Variants in CTBP2 observed in about 807,000 individuals in gnomAD.
CTBP2 encodes the protein C-terminal binding protein 2.
In CTBP2, 30 loss-of-function variants were observed where a neutral mutation model predicts 80.3. The observed-to-expected ratio is 0.37, with a 90% CI of 0.28 to 0.51. The LOEUF (loss-of-function observed/expected upper bound fraction) is 0.51, where lower values mean the gene tolerates loss of function less well. Among genes scored for constraint, CTBP2 ranks in the 20% least tolerant of loss-of-function variants. The pLI is 0.93. For synonymous variants in CTBP2, 594 were observed against 587.4 expected (o/e 1.01, Z -0.16); for missense variants, 1,212 against 1,375.3 (o/e 0.88, Z 1.88).
At chr10:125,145,135 C>G (rs1858515093) in intron 1 of CTBP2, among the ~76,000 whole-genome samples, 1 of 152,168 alleles carries the variant, frequency 6.6e-6, no homozygotes, top group South Asian at 2.1e-4. Flanking sequence ...ATTTTTCATG[C>G]CAAATGTTCA....
chr10:125,138,609 A>G (rs984125297), intron 1 of CTBP2, among the ~76,000 whole-genome samples: 2 of 151,938 alleles, frequency 1.3e-5, no homozygotes, highest in Non-Finnish European at 2.9e-5. Flanking sequence ...ATCAATTTAC[A>G]TATCAGGAAA....
Position 124,994,588 on chromosome 10 carries a change from G to A in CTBP2, c.2281C>T (p.Leu761=). ...AGGGTGTAGACCCTCTGCACGCCCA[G>A]GGACCGCTCGATCCCATCCTGCAAG... Residue 761 remains leucine (L), a synonymous_variant, in exon 5 of 9, where the codon CTG becomes TTG. Coordinates refer to ENST00000309035, the MANE Select transcript of CTBP2 (RefSeq NM_022802.3). 6.2e-7 allele frequency: 1 copy of A among 1,614,058 alleles called. No homozygotes were observed.
chr10:125,133,158 C>A (rs1256948218), intron 1 of CTBP2, among the ~76,000 whole-genome samples: 2 of 152,328 alleles, frequency 1.3e-5, no homozygotes, highest in East Asian at 3.9e-4. Flanking sequence ...ATTCTAAGAG[C>A]ATGTGTCTGG....
intron 8 of CTBP2, among the ~76,000 whole-genome samples, chr10:124,991,052 C>G (rs1022176345): frequency 7.2e-5 from 11 of 152,262 alleles, no homozygotes; most frequent in African/African-American, 2.7e-4. Context: ...TGCTTGCTGG[C>G]TGTTGGCTGG....
intron 1 of CTBP2, chr10:125,005,645 G>T (rs777977331): frequency 2.5e-6 from 4 of 1,612,784 alleles, no homozygotes; most frequent in Non-Finnish European, 3.4e-6. Flanking sequence ...GTCACCTGAC[G>T]AGGAACCCGA....
chr10:125,026,732 C>A lies in CTBP2; in HGVS notation c.1028G>T (p.Ser343Ile), dbSNP rs1957632710. ...GGTCCTGCAGCTATTGGCCAGGCGG[C>A]TCAGAACACGGGCCTGGCCCAGGTT... Residue 343 changes from serine (S) to isoleucine (I), a missense_variant, in exon 1 of 9, where the codon AGC becomes ATC. By Grantham distance (142) the Ser-to-Ile change is moderately radical. This residue lies in a region of CTBP2 where 848 missense variants were observed against 782.3 expected (regional missense o/e 1.08). Coordinates refer to ENST00000309035, the MANE Select transcript of CTBP2 (RefSeq NM_022802.3). 6.2e-7 allele frequency: 1 copy of A among 1,612,824 alleles called. No individual in the cohort carries two copies. The highest frequency in any genetic ancestry group is 1.7e-5 in the Admixed American group (1 of 60,008).
intron 2 of CTBP2, among the ~76,000 whole-genome samples, chr10:125,100,046 T>C (rs1850372628): frequency 6.6e-6 from 1 of 152,218 alleles, no homozygotes; most frequent in South Asian, 2.1e-4. Flanking sequence ...AACCTTCTCA[T>C]ATTGAAGAAC....
Position 125,082,496 on chromosome 10 carries a change from T to C in CTBP2, c.-102+28494A>G, listed in dbSNP as rs146567410. ...TAGGCCTCTTGCCTCAGGTATCATT[T>C]CCAGCTAATTTTTACTCCCCCATGA... On this transcript the variant is annotated intron_variant, in intron 2 of 10. Transcript: ENST00000337195. Among the ~76,000 whole-genome samples the C allele has an allele frequency of 2.1e-4, 32 of 152,246 alleles. No homozygotes were observed. In the East Asian group the frequency reaches 5.0e-3, roughly 24 times the overall value.
chr10:125,127,065 A>T, intron 1 of CTBP2, among the ~76,000 whole-genome samples: 1 of 151,994 alleles, frequency 6.6e-6, no homozygotes, highest in Non-Finnish European at 1.5e-5. Context: ...TTCAAACAAG[A>T]AACAGCCGAG....
At chr10:125,062,378 C>T (rs1457377447) in intron 2 of CTBP2, among the ~76,000 whole-genome samples, 2 of 152,142 alleles carry the variant, frequency 1.3e-5, no homozygotes, top group East Asian at 1.9e-4. Context: ...TAAGAGAACG[C>T]ACGTGAAATG....
chr10:125,055,645 C>T (rs1269345546), intron 2 of CTBP2, among the ~76,000 whole-genome samples: 1 of 152,188 alleles, frequency 6.6e-6, no homozygotes, highest in African/African-American at 2.4e-5. Context: ...AGCCACACCC[C>T]ACAATCCCCG....
At chr10:125,151,922 G>C (rs1354473956) in intron 1 of CTBP2, among the ~76,000 whole-genome samples, 1 of 152,208 alleles carries the variant, frequency 6.6e-6, no homozygotes, top group Non-Finnish European at 1.5e-5. Flanking sequence ...CGGAGCGGGG[G>C]GAGGGGGCAG....
chr10:125,005,641 T>TGA, intron 1 of CTBP2: 1 of 1,612,918 alleles, frequency 6.2e-7, no homozygotes, highest in East Asian at 2.2e-5. Context: ...CACCGTCACC[T>TGA]GACGAGGAAC....
intron 3 of CTBP2, chr10:125,001,574 G>A (rs1420568652): frequency 1.3e-5 from 2 of 152,232 alleles, no homozygotes; most frequent in East Asian, 3.9e-4. Flanking sequence ...GTGTGGGGAG[G>A]GTGAGGGGTG....
At chr10:125,051,678 C>G (rs1490646522) in intron 2 of CTBP2, among the ~76,000 whole-genome samples, 1 of 151,470 alleles carries the variant, frequency 6.6e-6, no homozygotes, top group Non-Finnish European at 1.5e-5. Context: ...AAAAAAGAAA[C>G]CTTTTCAATT....
intron 1 of CTBP2, among the ~76,000 whole-genome samples, chr10:125,132,929 C>A (rs918056755): frequency 6.6e-6 from 1 of 152,170 alleles, no homozygotes; most frequent in Admixed American, 6.5e-5. Flanking sequence ...GGCAAAATGA[C>A]GCTTAGAATG....
chr10:125,012,554 T>G (rs1009723600), intron 1 of CTBP2, among the ~76,000 whole-genome samples: 1 of 152,198 alleles, frequency 6.6e-6, no homozygotes, highest in African/African-American at 2.4e-5. Flanking sequence ...CACCTGCCTG[T>G]GCCTCTGCAT....
chr10:125,145,366 A>G lies in CTBP2; in HGVS notation c.-206+14953T>C, dbSNP rs548010113. Among the ~76,000 whole-genome samples, 82 of 152,192 alleles carry G rather than the reference A, an allele frequency of 5.4e-4. 2 individuals carry two copies. In the East Asian group the frequency reaches 0.013, roughly 25 times the overall value. ...TGCCTTGGGGACGCCCCTGCTCCAG[A>G]AGCCAACCTTTTGAGCACCCCCAAC... On this transcript the variant is annotated intron_variant, in intron 1 of 10. Coordinates refer to the CTBP2 transcript ENST00000337195.
upstream of CTBP2, among the ~76,000 whole-genome samples, chr10:125,031,680 G>T (rs1011404549): frequency 6.6e-6 from 1 of 152,070 alleles, no homozygotes; most frequent in African/African-American, 2.4e-5. Flanking sequence ...TCTAAATCAC[G>T]CAAGCACACA....
Sources: gnomAD v4.1 joint callset for allele counts (sites outside exome capture counted in the v4.1 genomes callset) on GRCh38, gnomAD v4.1.1 for gene constraint, gnomAD v4.1.1 regional missense constraint, MANE v1.5 for transcripts, NCBI Gene and HGNC (gene_info 2026-07-23, HGNC 2026-07-21) for gene names.